The following FAM83F variants were observed in gnomAD, a reference collection of about 807,000 sequenced individuals.
FAM83F encodes the protein protein FAM83F.
In FAM83F, 45 loss-of-function variants were observed where a neutral mutation model predicts 42.9. The ratio of observed to expected loss-of-function variants is 1.05; its 90% CI spans 0.83 to 1.35. FAM83F has a LOEUF of 1.35. FAM83F is among the 40% of genes most tolerant of loss of function. The probability of loss-of-function intolerance (pLI) is 0.00; values close to 1 mark genes in which losing one functional copy is unlikely to be tolerated. For synonymous variants in FAM83F, 306 were observed against 298.3 expected, an observed-to-expected ratio of 1.03 and a Z score of -0.27; for missense variants, 617 against 695.9, an observed-to-expected ratio of 0.89 and a Z score of 1.28.
chr22:40,008,592 A>C (rs2067448134), intron 1 of FAM83F, among the ~76,000 whole-genome samples: 1 of 152,124 alleles, frequency 6.6e-6, no homozygotes, highest in South Asian at 2.1e-4. Context: ...CTTCACTCAA[A>C]GTGGGACGTC....
intron 1 of FAM83F, among the ~76,000 whole-genome samples, chr22:40,002,101 G>T (rs2067405607): frequency 6.6e-6 from 1 of 152,220 alleles, no homozygotes; most frequent in African/African-American, 2.4e-5. Context: ...CTGGGATCTG[G>T]CATGGGCAGA....
At chr22:40,020,276 TTAGG>T (rs1238160689) in intron 3 of FAM83F, among the ~76,000 whole-genome samples, 1 of 151,976 alleles carries the variant, frequency 6.6e-6, no homozygotes, top group African/African-American at 2.4e-5. Context: ...AGGCTAGTCA[TTAGG>T]TAGGACAAGC....
intron 4 of FAM83F, among the ~76,000 whole-genome samples, chr22:40,024,908 C>A (rs2067542661): frequency 6.6e-6 from 1 of 152,192 alleles, no homozygotes; most frequent in Non-Finnish European, 1.5e-5. Context: ...TCCTTTCCGG[C>A]TGGGGATCCA....
Position 39,994,960 on chromosome 22 carries a change from C to T in FAM83F, c.-83C>T, listed in dbSNP as rs1221336250. On this transcript the variant is annotated 5_prime_UTR_variant, in exon 1 of 5. Coordinates refer to ENST00000333407, the MANE Select transcript of FAM83F (RefSeq NM_138435.4). Reference sequence around the variant, plus strand: ...GCTCGCGGCCAGGTGAGGCGCCCCGCCCCTCGGCGGCTCCAGGTGCGGCTG... The same window carrying T: ...GCTCGCGGCCAGGTGAGGCGCCCCGTCCCTCGGCGGCTCCAGGTGCGGCTG... 12 of 1,172,948 alleles carry T rather than the reference C, an allele frequency of 1.0e-5. No homozygotes were observed. In the African/African-American group the frequency reaches 1.1e-4, roughly 11 times the overall value. The allele number at this position is 1,172,948 out of a possible 1,614,324, so 72.7% of individuals were successfully genotyped here.
chr22:39,998,529 G>A (rs2067382106), intron 1 of FAM83F, among the ~76,000 whole-genome samples: 1 of 151,794 alleles, frequency 6.6e-6, no homozygotes, highest in Non-Finnish European at 1.5e-5. Context: ...AGGGGGGAGG[G>A]GCTGAGGATG....
intron 1 of FAM83F, 142 bp from the exon 2 acceptor site, chr22:40,019,026 G>T: frequency 2.1e-6 from 2 of 938,306 alleles, no homozygotes; most frequent in Non-Finnish European, 3.2e-6. Flanking sequence ...ATCGGGGGAC[G>T]TGGAACTCCA....
intron 4 of FAM83F, among the ~76,000 whole-genome samples, chr22:40,025,936 C>T (rs148582617): frequency 2.6e-3 from 392 of 152,322 alleles, no homozygotes; most frequent in African/African-American, 9.2e-3. Flanking sequence ...TGTGCTGTGC[C>T]TGAGACCCCA....
chr22:40,002,939 G>T (rs2067409582), intron 1 of FAM83F, among the ~76,000 whole-genome samples: 1 of 152,168 alleles, frequency 6.6e-6, no homozygotes, highest in Non-Finnish European at 1.5e-5. Flanking sequence ...AAAGCATAAG[G>T]TTGCAGAACT....
chr22:40,012,064 G>A (rs2067467903), intron 1 of FAM83F, among the ~76,000 whole-genome samples: 1 of 151,952 alleles, frequency 6.6e-6, no homozygotes, highest in Admixed American at 6.6e-5. Context: ...TAATCTCATA[G>A]TTTGGATTAT....
chr22:40,024,304 C>T (rs923905989), intron 4 of FAM83F, among the ~76,000 whole-genome samples: 3 of 152,200 alleles, frequency 2.0e-5, no homozygotes, highest in Non-Finnish European at 4.4e-5. Context: ...GCCAGGAGCT[C>T]CTCTCCTAAG....
chr22:40,000,955 G>A (rs1158048665), intron 1 of FAM83F, among the ~76,000 whole-genome samples: 1 of 152,216 alleles, frequency 6.6e-6, no homozygotes, highest in Non-Finnish European at 1.5e-5. Flanking sequence ...TGCCACATGA[G>A]CTTTGTTTCA....
At chr22:40,028,097 C>T (rs894601393) in intron 4 of FAM83F, among the ~76,000 whole-genome samples, 2 of 152,256 alleles carry the variant, frequency 1.3e-5, no homozygotes, top group African/African-American at 2.4e-5. Flanking sequence ...CAGACGTGCT[C>T]GGCACCACTG....
intron 2 of FAM83F, 41 bp downstream of exon 2, chr22:40,019,376 G>A (rs2067507779): frequency 6.3e-7 from 1 of 1,592,580 alleles, no homozygotes; most frequent in Non-Finnish European, 8.6e-7. Flanking sequence ...CAGGAGATGA[G>A]ACAGAGACTA....
intron 4 of FAM83F, among the ~76,000 whole-genome samples, chr22:40,027,316 T>G (rs991502119): frequency 5.9e-5 from 9 of 152,158 alleles, no homozygotes; most frequent in Non-Finnish European, 1.3e-4. Flanking sequence ...GGCTTCCATG[T>G]GGGTGACCTC....
chr22:40,027,527 A>G (rs1413588477), intron 4 of FAM83F, among the ~76,000 whole-genome samples: 2 of 152,154 alleles, frequency 1.3e-5, no homozygotes, highest in Non-Finnish European at 2.9e-5. Context: ...CATACTTTGT[A>G]AAAAAGACTA....
At position 39,995,155 on chromosome 22, in the gene FAM83F, TG is replaced by T; in HGVS notation, c.114del (p.Leu39TrpfsTer94). 1 of 1,391,902 alleles carries T rather than the reference TG, an allele frequency of 7.2e-7. No individual in the cohort carries two copies. Among genetic ancestry groups the T allele is most frequent in the Non-Finnish European group, 9.2e-7 (1 of 1,082,338 alleles). 86.2% of individuals were successfully genotyped at this position (1,391,902 alleles called of 1,614,324 possible). A position where few individuals can be genotyped will look rare whatever the true frequency, so the allele number is the denominator to read the frequency against. Reference sequence around the variant, plus strand: ...CGGCGGCGGGCCGCGCTGGAGGCGCTGCTGGGCGGCGGCGAGCAGGCCTACC... The same window carrying T: ...CGGCGGCGGGCCGCGCTGGAGGCGCTCTGGGCGGCGGCGAGCAGGCCTACC... ...CERRRAALEA[L>X]LGGGEQAYRE... On this transcript the variant is annotated frameshift_variant, in exon 1 of 5. Coordinates refer to ENST00000333407, the MANE Select transcript of FAM83F (RefSeq NM_138435.4). LOFTEE classifies it high-confidence loss of function. This position sits in a 1 kb window ranked among gnomAD's most constrained non-coding sequence, Gnocchi z 4.6.
In FAM83F at chr22:39,995,557, C is replaced by G. The variant is rs1039588782; in HGVS notation, c.489+26C>G. 44 of 1,523,414 alleles carry G rather than the reference C, an allele frequency of 2.9e-5. 1 individual carries two copies. In the Admixed American group the frequency reaches 3.8e-4, roughly 13 times the overall value. The allele number at this position is 1,523,414 out of a possible 1,614,324, so 94.4% of individuals were successfully genotyped here. A position where few individuals can be genotyped will look rare whatever the true frequency, so the allele number is the denominator to read the frequency against. On this transcript the variant is annotated intron_variant, in intron 1 of 4. Transcript: ENST00000333407. This position sits in a 1 kb window ranked among gnomAD's most constrained non-coding sequence, Gnocchi z 4.6. ...GTAGGCCCCCGCCTTCGCCCCCACA[C>G]CGCTGGGACCTCGGCCCCAGTCCCC...
intron 1 of FAM83F, among the ~76,000 whole-genome samples, chr22:40,006,853 G>A (rs758833969): frequency 1.2e-4 from 19 of 152,158 alleles, no homozygotes; most frequent in Non-Finnish European, 2.6e-4. Flanking sequence ...TCAGGGCAGC[G>A]TGAACTAGCA....
chr22:40,011,557 A>G (rs1378473961), intron 1 of FAM83F, among the ~76,000 whole-genome samples: 1 of 152,170 alleles, frequency 6.6e-6, no homozygotes, highest in African/African-American at 2.4e-5. Flanking sequence ...TCCAGCTTAG[A>G]GTGGACACAT....
Sources: allele counts gnomAD v4.1 joint callset (sites outside exome capture counted in the v4.1 genomes callset), GRCh38; gene constraint gnomAD v4.1.1; non-coding constraint Gnocchi (gnomAD v3.1); transcripts MANE v1.5; gene names NCBI Gene and HGNC (gene_info 2026-07-23, HGNC 2026-07-21).